ZNF114: variants seen among roughly 807,000 people sequenced by gnomAD.
The protein encoded by ZNF114 is zinc finger protein 114.
In ZNF114, 8 loss-of-function variants were observed where a neutral mutation model predicts 6.8. The ratio of observed to expected loss-of-function variants is 1.18; its 90% CI spans 0.69 to 2.13. ZNF114 has a LOEUF of 2.13. Among genes scored for constraint, ZNF114 ranks in the 30% most tolerant of loss-of-function variants. The pLI, the probability that ZNF114 is intolerant of heterozygous loss-of-function variation, is 0.00. For missense variants in ZNF114, 472 were observed against 519.5 expected (o/e 0.91, Z 0.89); for synonymous variants, 169 against 185.5 (o/e 0.91, Z 0.72).
At chr19:48,275,578 C>A (rs2147284560) in intron 3 of ZNF114, among the ~76,000 whole-genome samples, 1 of 152,134 alleles carries the variant, frequency 6.6e-6, no homozygotes. Flanking sequence ...CCACTGCACT[C>A]CAGCCTGGGT....
At chr19:48,279,652 TTAA>T (rs1012322981) in intron 3 of ZNF114, 76 bp from the exon 4 acceptor site, 10 of 973,858 alleles carry the variant, frequency 1.0e-5, no homozygotes, top group Non-Finnish European at 1.6e-5. Context: ...TATGCTGAGA[TTAA>T]TGTCAGGCAG....
chr19:48,284,408 T>C (rs1208578758), intron 5 of ZNF114, among the ~76,000 whole-genome samples: 1 of 151,192 alleles, frequency 6.6e-6, no homozygotes, highest in African/African-American at 2.4e-5. Flanking sequence ...TTTTTGTCTT[T>C]AAAAACAATT....
Position 48,282,360 on chromosome 19 carries a change from T to G in ZNF114, c.10-11T>G. On this transcript the variant is annotated splice_polypyrimidine_tract_variant and intron_variant, in intron 4 of 5. Transcript: ENST00000595607. ...ACACCCCTCCGAGCCAAACTGCATG[T>G]GTTATTTTAGGACTCGGTGACCTTC... 1 of 1,611,616 alleles carries G rather than the reference T, an allele frequency of 6.2e-7. No homozygotes were observed.
intron 3 of ZNF114, among the ~76,000 whole-genome samples, chr19:48,275,397 G>T (rs1231222066): frequency 7.4e-6 from 1 of 135,536 alleles, no homozygotes; most frequent in Non-Finnish European, 1.6e-5. Context: ...TGGCCAACAT[G>T]ATGAAGTCCT....
rs189579105 is a variant in ZNF114 at position 48,277,169 on chromosome 19, A to T, written c.-69-2562A>T. Among the ~76,000 whole-genome samples the T allele has an allele frequency of 1.9e-3, 289 of 150,172 alleles. 1 individual carries two copies. Among genetic ancestry groups the T allele is most frequent in the Middle Eastern group, 7.0e-3 (2 of 286 alleles). ...GAATGAGACCCTGTCTCAAAAAAAA[A>T]TTTTTTTTAATATATATATTTTTGT... On this transcript the variant is annotated intron_variant, in intron 3 of 5. Coordinates refer to ENST00000595607, the MANE Select transcript of ZNF114 (RefSeq NM_153608.4).
chr19:48,282,324 C>G, intron 4 of ZNF114, 47 bp from the exon 5 acceptor site: 2 of 1,608,084 alleles, frequency 1.2e-6, no homozygotes, highest in Non-Finnish European at 1.7e-6. Context: ...ACAGTTCAAA[C>G]TGATAACAGG....
At position 48,286,316 on chromosome 19, in the gene ZNF114, G is replaced by A. The variant is rs542258093; in HGVS notation, c.692G>A (p.Arg231His). ...HQRNPFGKAFREDGSLRAHNT... is the reference protein window; with the variant it reads ...HQRNPFGKAFHEDGSLRAHNT... ...CGGAATCCATTTGGAAAAGCTTTCC[G>A]TGAAGACGGATCCCTTAGGGCACAC... The change falls in exon 6 of 6, where the codon CGT (arginine) becomes CAT (histidine). Residue 231 changes from arginine to histidine, a missense_variant. Arg to His is a conservative substitution (Grantham distance 29). Coordinates refer to ENST00000595607, the MANE Select transcript of ZNF114 (RefSeq NM_153608.4). 2.4e-5 allele frequency: 39 copies of A among 1,614,198 alleles called. No individual in the cohort carries two copies. In the Middle Eastern group the frequency reaches 4.9e-4, roughly 20 times the overall value.
chr19:48,286,126 CA>C lies in ZNF114; in HGVS notation c.508del (p.Thr170HisfsTer26), dbSNP rs1374707026. ...GTATAATCCTGTCTTAAACGATAGT[CA>C]AAAAACACATGAAAACAACGAAGAC... The part of the protein sequence containing the change: ...FKYNPVLNDS[Q>X]KTHENNEDDG... On this transcript the variant is annotated frameshift_variant, in exon 6 of 6. Coordinates refer to ENST00000595607, the MANE Select transcript of ZNF114 (RefSeq NM_153608.4). LOFTEE classifies it low-confidence loss of function (END_TRUNC). The C allele has an allele frequency of 4.3e-6, 7 of 1,613,946 alleles. No homozygotes were observed. Among genetic ancestry groups the C allele is most frequent in the Non-Finnish European group, 5.9e-6 (7 of 1,180,034 alleles).
Position 48,282,390 on chromosome 19 carries a change from A to C in ZNF114, c.29A>C (p.Asp10Ala). MSQDSVTFA[D>A]VAVNFTKEEW... ...TTTTAGGACTCGGTGACCTTCGCAG[A>C]CGTGGCTGTGAACTTCACCAAAGAG... The change falls in exon 5 of 6, where the codon GAC (aspartate) becomes GCC (alanine). Residue 10 changes from aspartate to alanine, a missense_variant. Physicochemically the swap from Asp to Ala is moderately radical, Grantham distance 126 (BLOSUM62 -2). Transcript: ENST00000595607. 6.2e-7 allele frequency: 1 copy of C among 1,613,142 alleles called. No homozygotes were observed. Among genetic ancestry groups the C allele is most frequent in the Non-Finnish European group, 8.5e-7 (1 of 1,179,542 alleles).
Position 48,279,157 on chromosome 19 carries a change from C to T in ZNF114, c.-69-574C>T, listed in dbSNP as rs888626651. The stretch of plus-strand genomic sequence containing the variant: ...ACTTCATGATATGCAAATTTCACCT[C>T]GATTAAAAAAAAATGCTGCTTGAGG... On this transcript the variant is annotated intron_variant, in intron 3 of 5. Transcript: ENST00000595607. Among the ~76,000 whole-genome samples the T allele has an allele frequency of 3.3e-5, 5 of 150,462 alleles. No homozygotes were observed. In the South Asian group the frequency reaches 8.4e-4, roughly 25 times the overall value.
rs149807565 is a variant in ZNF114 at position 48,286,725 on chromosome 19, G to T, written c.1101G>T (p.Gly367=). 5 of 1,613,724 alleles carry T rather than the reference G, an allele frequency of 3.1e-6. No individual in the cohort carries two copies. The highest frequency in any genetic ancestry group is 4.2e-6 in the Non-Finnish European group (5 of 1,179,966). ...QKKPYECEEC[G]KVIRESSKYT... ...AGCCCTACGAATGTGAAGAATGTGG[G>T]AAAGTCATTCGGGAGTCCTCAAAAT... Residue 367 remains glycine, a synonymous_variant, in exon 6 of 6, where the codon GGG becomes GGT. Transcript: ENST00000595607.
chr19:48,275,457 C>CACACACACACAA (rs1181746572), intron 3 of ZNF114, among the ~76,000 whole-genome samples: 88 of 144,668 alleles, frequency 6.1e-4, no homozygotes, highest in African/African-American at 2.1e-3. Flanking sequence ...CACACACACA[C>CACACACACACAA]AAAATAGCCA....
In ZNF114 at chr19:48,272,209, G is replaced by C. The variant is rs1359736491; in HGVS notation, c.-70+381G>C. On this transcript the variant is annotated intron_variant, in intron 3 of 5. Transcript: ENST00000595607. Reference sequence around the variant, plus strand: ...GCGGATCACCTGAGGTCAGGAGTTCGAGACCAGCCTGGCCAACATGGTGAA... The same window carrying C: ...GCGGATCACCTGAGGTCAGGAGTTCCAGACCAGCCTGGCCAACATGGTGAA... Among the ~76,000 whole-genome samples, 4 of 152,140 alleles carry C rather than the reference G, an allele frequency of 2.6e-5. No individual in the cohort carries two copies. In the East Asian group the frequency reaches 5.8e-4, roughly 22 times the overall value.
At chr19:48,274,000 G>A (rs368408566) in intron 3 of ZNF114, among the ~76,000 whole-genome samples, 1 of 151,248 alleles carries the variant, frequency 6.6e-6, no homozygotes, top group Non-Finnish European at 1.5e-5. Flanking sequence ...CTCGTGATCC[G>A]CCCACCTCGG....
At position 48,285,958 on chromosome 19, in the gene ZNF114, GC is replaced by G; in HGVS notation, c.338del (p.Pro113LeufsTer16). ...GAATAATGTGAAGCCACCTGCAGTT[GC>G]CCCTGAGAAAGATGAATCTCCTGTT... ...GVNNVKPPAV[A>X]PEKDESPVSI... On this transcript the variant is annotated frameshift_variant, in exon 6 of 6. Coordinates refer to ENST00000595607, the MANE Select transcript of ZNF114 (RefSeq NM_153608.4). LOFTEE classifies it low-confidence loss of function (END_TRUNC). The G allele has an allele frequency of 1.2e-6, 2 of 1,613,984 alleles. No homozygotes were observed. The highest frequency in any genetic ancestry group is 1.7e-6 in the Non-Finnish European group (2 of 1,180,006).
rs576306074 is a variant in ZNF114, at chr19:48,283,167, T to A, written c.136+670T>A. ...AGTATCTGGGATTACAGGCATGCTCTACCACCCCCAGCTAATGCATTACAT... is the reference window on the plus strand; with the variant it reads ...AGTATCTGGGATTACAGGCATGCTCAACCACCCCCAGCTAATGCATTACAT... On this transcript the variant is annotated intron_variant, in intron 5 of 5. Transcript: ENST00000595607. Among the ~76,000 whole-genome samples the A allele has an allele frequency of 2.0e-5, 3 of 152,172 alleles. No individual in the cohort carries two copies. In the South Asian group the frequency reaches 6.2e-4, roughly 32 times the overall value.
chr19:48,274,495 T>TAC (rs1967768097), intron 3 of ZNF114, among the ~76,000 whole-genome samples: 1 of 43,694 alleles, frequency 2.3e-5, no homozygotes, highest in Non-Finnish European at 5.2e-5. Flanking sequence ...TATATATATA[T>TAC]ATATATATAT....
At chr19:48,279,154 C>G (rs1378357265) in intron 3 of ZNF114, among the ~76,000 whole-genome samples, 1 of 151,416 alleles carries the variant, frequency 6.6e-6, no homozygotes, top group Non-Finnish European at 1.5e-5. Flanking sequence ...GCAAATTTCA[C>G]CTCGATTAAA....
intron 3 of ZNF114, among the ~76,000 whole-genome samples, chr19:48,275,194 A>G (rs1258954543): frequency 3.4e-5 from 5 of 146,704 alleles, no homozygotes; most frequent in African/African-American, 1.3e-4. Context: ...GAGAGAGAGA[A>G]AAAGAGAGAG....
Sources: allele counts gnomAD v4.1 joint callset (sites outside exome capture counted in the v4.1 genomes callset), GRCh38; gene constraint gnomAD v4.1.1; transcripts MANE v1.5; gene names NCBI Gene and HGNC (gene_info 2026-07-23, HGNC 2026-07-21).